HBP1: variants seen among roughly 807,000 people sequenced by gnomAD.
HBP1 encodes the protein HMG-box transcription factor 1.
In HBP1, 20 loss-of-function variants were observed where a neutral mutation model predicts 62.6. The ratio of observed to expected loss-of-function variants is 0.32; its 90% CI spans 0.22 to 0.46. The LOEUF (loss-of-function observed/expected upper bound fraction) is 0.46, where lower values mean the gene tolerates loss of function less well. Ranked by LOEUF, HBP1 falls within the 20% of genes least tolerant of loss-of-function variation. HBP1 has a pLI of 1.00. For missense variants in HBP1, 480 were observed against 611.8 expected (o/e 0.78, Z 2.27); for synonymous variants, 232 against 206.2 (o/e 1.12, Z -1.07).
At chr7:107,176,107 C>G (rs1402434133) in intron 1 of HBP1, among the ~76,000 whole-genome samples, 7 of 150,532 alleles carry the variant, frequency 4.7e-5, no homozygotes, top group Non-Finnish European at 1.0e-4. Context: ...CTCACTGCAA[C>G]CTCTGTCTCC....
At chr7:107,169,728 T>G in intron 1 of HBP1, 2 of 983,936 alleles carry the variant, frequency 2.0e-6, no homozygotes, top group East Asian at 1.2e-4. Context: ...GCAGTTCGAA[T>G]GAATGGGCTC....
chr7:107,171,455 T>C (rs577665944), intron 1 of HBP1, among the ~76,000 whole-genome samples: 2 of 152,270 alleles, frequency 1.3e-5, no homozygotes, highest in African/African-American at 2.4e-5. Flanking sequence ...CATGGACTTA[T>C]GAAACTGCTC....
rs779557957 is a variant in HBP1, at chr7:107,182,472, C to G, written c.269C>G (p.Ser90Cys). 10 of 1,612,448 alleles carry G rather than the reference C, an allele frequency of 6.2e-6. No individual in the cohort carries two copies. Among genetic ancestry groups the G allele is most frequent in the African/African-American group, 2.7e-5 (2 of 74,866 alleles). The change falls in exon 3 of 11, where the codon TCT becomes TGT. Residue 90 changes from serine to cysteine, a missense_variant. Ser to Cys is a moderately radical substitution (Grantham distance 112). This residue lies in a region of HBP1 where 304 missense variants were observed against 330.9 expected (regional missense o/e 0.92). Transcript: ENST00000222574. ...TCACATCAAGAATACCCAAGATCAT[C>G]TTGGAACCAAAATACCTCAGACATA... ...DVSHQEYPRS[S>C]WNQNTSDIPE...
chr7:107,169,545 A>T (rs1190535980), intron 1 of HBP1, among the ~76,000 whole-genome samples: 2 of 150,024 alleles, frequency 1.3e-5, no homozygotes, highest in Non-Finnish European at 3.0e-5. Flanking sequence ...GCTGCCCAGG[A>T]AAGTTTGACT....
intron 1 of HBP1, chr7:107,170,274 T>G: frequency 4.3e-6 from 1 of 233,072 alleles, no homozygotes; most frequent in Non-Finnish European, 7.0e-6. Context: ...TTAGCTTTAT[T>G]AATACTTCCC....
intron 2 of HBP1, 71 bp downstream of exon 2, chr7:107,180,133 T>G (rs994663301): frequency 1.1e-6 from 1 of 884,210 alleles, no homozygotes; most frequent in Non-Finnish European, 1.8e-6. Flanking sequence ...AGCCCGCTTC[T>G]CCACCAACCT....
chr7:107,182,826 T>A (rs1311365270), intron 3 of HBP1, among the ~76,000 whole-genome samples: 1 of 152,124 alleles, frequency 6.6e-6, no homozygotes, highest in African/African-American at 2.4e-5. Flanking sequence ...AGTAAAAAAA[T>A]TTGTAAATGT....
At chr7:107,183,328 CTG>C (rs1797198465) in intron 3 of HBP1, among the ~76,000 whole-genome samples, 1 of 152,168 alleles carries the variant, frequency 6.6e-6, no homozygotes, top group Non-Finnish European at 1.5e-5. Context: ...GTAGGAATAA[CTG>C]TAAATTTTGT....
At chr7:107,178,584 A>T (rs1347603449) in intron 1 of HBP1, among the ~76,000 whole-genome samples, 1 of 152,178 alleles carries the variant, frequency 6.6e-6, no homozygotes, top group Non-Finnish European at 1.5e-5. Flanking sequence ...ATGATTATTC[A>T]TCTTTCTATA....
chr7:107,190,321 A>G lies in HBP1; in HGVS notation c.1067+4A>G. On this transcript the variant is annotated splice_donor_region_variant and intron_variant, in intron 8 of 10. Coordinates refer to ENST00000222574, the MANE Select transcript of HBP1 (RefSeq NM_012257.4). ...GTGTTTTTGATACATTTAAAAGGTA[A>G]TATTGGATTAATTCTTTGTTTTATT... is the stretch of plus-strand genomic sequence containing the variant. The G allele has an allele frequency of 6.3e-7, 1 of 1,592,892 alleles. No homozygotes were observed. Among genetic ancestry groups the G allele is most frequent in the Non-Finnish European group, 8.6e-7 (1 of 1,165,134 alleles).
chr7:107,187,782 T>C (rs1437871023), intron 6 of HBP1, among the ~76,000 whole-genome samples: 2 of 152,188 alleles, frequency 1.3e-5, no homozygotes, highest in Non-Finnish European at 2.9e-5. Context: ...ATTTGACACA[T>C]TGGGTTAGTT....
intron 1 of HBP1, among the ~76,000 whole-genome samples, chr7:107,171,824 T>C: frequency 7.2e-6 from 1 of 139,448 alleles, no homozygotes; most frequent in African/African-American, 2.7e-5. Context: ...CAGGCCACTG[T>C]ACTCCAGCCT....
chr7:107,182,722 T>A (rs1797168540), intron 3 of HBP1, 121 bp downstream of exon 3: 1 of 587,256 alleles, frequency 1.7e-6, no homozygotes, highest in Admixed American at 3.0e-5. Context: ...GTCATTAGAA[T>A]TAAGCTCCTT....
At chr7:107,173,158 A>G (rs1184435615) in intron 1 of HBP1, among the ~76,000 whole-genome samples, 1 of 152,230 alleles carries the variant, frequency 6.6e-6, no homozygotes, top group Middle Eastern at 3.2e-3. Flanking sequence ...TGCATTTAAT[A>G]TACTTTGTTA....
rs924240027 is a variant in HBP1 at position 107,175,681 on chromosome 7, T to C, written c.-15-4198T>C. On this transcript the variant is annotated intron_variant, in intron 1 of 10. Transcript: ENST00000222574. Reference sequence around the variant, plus strand: ...TTTGCCAGCTATATGAGTTTACTCATGTGAGTTTCTCTCATTGGGAGACCT... The same window carrying C: ...TTTGCCAGCTATATGAGTTTACTCACGTGAGTTTCTCTCATTGGGAGACCT... Among the ~76,000 whole-genome samples the C allele has an allele frequency of 5.3e-5, 8 of 152,098 alleles. No individual in the cohort carries two copies. In the South Asian group the frequency reaches 1.7e-3, roughly 32 times the overall value.
chr7:107,189,544 AG>A, intron 7 of HBP1, 96 bp downstream of exon 7: 1 of 899,730 alleles, frequency 1.1e-6, no homozygotes, highest in Non-Finnish European at 1.7e-6. Context: ...AAAAAATTTG[AG>A]GGGAAAACGT....
Position 107,185,838 on chromosome 7 carries a change from T to G in HBP1, c.436T>G (p.Leu146Val). The G allele has an allele frequency of 1.9e-6, 3 of 1,613,656 alleles. No homozygotes were observed. The highest frequency in any genetic ancestry group is 2.5e-6 in the Non-Finnish European group (3 of 1,179,538). ...ACACATCATAGCCACTAGCAAAAGT[T>G]TACATTCCTATGCACGCCCTCCACC... ...PVHIIATSKSLHSYARPPPVS... is the reference protein window; with the variant it reads ...PVHIIATSKSVHSYARPPPVS... Residue 146 changes from leucine (L) to valine (V), a missense_variant, in exon 4 of 11, where the codon TTA becomes GTA. Physicochemically the swap from Leu to Val is conservative, Grantham distance 32. This residue lies in a region of HBP1 where 304 missense variants were observed against 330.9 expected (regional missense o/e 0.92). Coordinates refer to ENST00000222574, the MANE Select transcript of HBP1 (RefSeq NM_012257.4).
chr7:107,170,942 AACATAT>A (rs1796527764), intron 1 of HBP1, among the ~76,000 whole-genome samples: 1 of 146,240 alleles, frequency 6.8e-6, no homozygotes, highest in South Asian at 2.1e-4. Flanking sequence ...TAAAATATAT[AACATAT>A]ACATGTATAT....
At chr7:107,186,497 C>T (rs910894334) in intron 5 of HBP1, 25 bp downstream of exon 5, 4 of 1,582,660 alleles carry the variant, frequency 2.5e-6, no homozygotes, top group Non-Finnish European at 3.5e-6. Context: ...CAAACAAAAA[C>T]CTTGAATTTT....
Sources: gnomAD v4.1 joint callset for allele counts (sites outside exome capture counted in the v4.1 genomes callset) on GRCh38, gnomAD v4.1.1 for gene constraint, gnomAD v4.1.1 regional missense constraint, MANE v1.5 for transcripts, NCBI Gene and HGNC (gene_info 2026-07-23, HGNC 2026-07-21) for gene names.